PARD3B: variants seen among roughly 807,000 people sequenced by gnomAD.
PARD3B encodes par-3 family cell polarity regulator beta, also known as partitioning defective 3 homolog B.
A neutral mutation model predicts 130.2 loss-of-function variants in PARD3B; 103 were observed. That is an observed-to-expected ratio of 0.79 (90% CI 0.67 to 0.93). PARD3B has a LOEUF of 0.93. Ranked by LOEUF, PARD3B falls within the 40% of genes least tolerant of loss-of-function variation. PARD3B has a pLI of 0.00. For missense variants in PARD3B, 1,609 were observed against 1,499.2 expected (o/e 1.07, Z -1.21); for synonymous variants, 583 against 553.2 (o/e 1.05, Z -0.76).
intron 15 of PARD3B, among the ~76,000 whole-genome samples, chr2:205,234,084 C>G (rs961548828): frequency 6.6e-6 from 1 of 152,076 alleles, no homozygotes; most frequent in African/African-American, 2.4e-5. Context: ...ATGGTATGTT[C>G]AAGATCAACC....
chr2:204,545,934 T>A lies in PARD3B; in HGVS notation c.-66T>A. The A allele has an allele frequency of 7.1e-7, 1 of 1,414,802 alleles. No individual in the cohort carries two copies. The highest frequency in any genetic ancestry group is 1.6e-5 in the South Asian group (1 of 64,446). The allele number at this position is 1,414,802 out of a possible 1,614,324, so 87.6% of individuals were successfully genotyped here. A position where few individuals can be genotyped will look rare whatever the true frequency, so the allele number is the denominator to read the frequency against. ...ACCCGCCCCGGGCGTCCTCCGAGAG[T>A]GGGGGCTGCGCCCGCGGGGTCAGAC... On this transcript the variant is annotated 5_prime_UTR_variant, in exon 1 of 23. Transcript: ENST00000406610.
rs1365919694 is a variant in PARD3B, at chr2:205,321,845, C to T, written c.2630+20144C>T. Among the ~76,000 whole-genome samples the T allele has an allele frequency of 6.6e-6, 1 of 152,184 alleles. No individual in the cohort carries two copies. The highest frequency in any genetic ancestry group is 2.4e-5 in the African/African-American group (1 of 41,444). On this transcript the variant is annotated intron_variant, in intron 18 of 22. Transcript: ENST00000406610. This position sits in a 1 kb window ranked among gnomAD's most constrained non-coding sequence, Gnocchi z 4.2. The stretch of plus-strand genomic sequence containing the variant: ...TACAGATTTCCAAGAGCGAGGTGTA[C>T]TTCTTTGACAATTAATGAAACTTCA...
chr2:205,278,126 G>T (rs958258688), intron 16 of PARD3B, among the ~76,000 whole-genome samples: 1 of 152,144 alleles, frequency 6.6e-6, no homozygotes. Context: ...AGGACTGAAA[G>T]AAGTTTATTG....
rs569291637 is a variant in PARD3B, at chr2:204,726,497, T to G, written c.222+40215T>G. 5.1e-4 allele frequency among the ~76,000 whole-genome samples: 77 copies of G among 152,278 alleles called. No homozygotes were observed. The Middle Eastern group carries it at 0.014, about 27-fold the overall frequency. On this transcript the variant is annotated intron_variant, in intron 2 of 22. Transcript: ENST00000406610. ...ACCCTTTGGCTGCCTCCCTCAATGT[T>G]GGCGTCAAGGGTGATTCTGAAACCT...
At position 205,334,986 on chromosome 2, in the gene PARD3B, T is replaced by G. The variant is rs142962604; in HGVS notation, c.2630+33285T>G. Among the ~76,000 whole-genome samples the G allele has an allele frequency of 6.1e-3, 936 of 152,318 alleles. 3 individuals carry two copies. The highest frequency in any genetic ancestry group is 9.7e-3 in the Non-Finnish European group (661 of 68,034). On this transcript the variant is annotated intron_variant, in intron 18 of 22. Transcript: ENST00000406610. ...GATCAAAAAGGAAATCATTTTATCT[T>G]GAAGTTGTAAGAGAAGCATTTATTT...
At chr2:204,899,419 C>A (rs2046778142) in intron 2 of PARD3B, among the ~76,000 whole-genome samples, 1 of 152,048 alleles carries the variant, frequency 6.6e-6, no homozygotes, top group Admixed American at 6.6e-5. Flanking sequence ...ATGAGGCTTG[C>A]AAATAATCTC....
At position 204,610,297 on chromosome 2, in the gene PARD3B, T is replaced by C. The variant is rs1157623536; in HGVS notation, c.120+64178T>C. 6.6e-6 allele frequency among the ~76,000 whole-genome samples: 1 copy of C among 152,186 alleles called. No individual in the cohort carries two copies. Among genetic ancestry groups the C allele is most frequent in the Non-Finnish European group, 1.5e-5 (1 of 68,034 alleles). On this transcript the variant is annotated intron_variant, in intron 1 of 22. Coordinates refer to ENST00000406610, the MANE Select transcript of PARD3B (RefSeq NM_001302769.2). This position sits in a 1 kb window ranked among gnomAD's most constrained non-coding sequence, Gnocchi z 4.1. ...CAATTATTAAATCTGTTCTTCTTAA[T>C]GTAATATGGCAAATATTTACAATGA... is the stretch of plus-strand genomic sequence containing the variant.
chr2:205,487,941 C>G (rs897096826), intron 20 of PARD3B, among the ~76,000 whole-genome samples: 1 of 152,330 alleles, frequency 6.6e-6, no homozygotes. Flanking sequence ...ATCTAAACAA[C>G]ATTTTATTTC....
chr2:204,859,006 T>C (rs1321298095), intron 2 of PARD3B, among the ~76,000 whole-genome samples: 1 of 151,838 alleles, frequency 6.6e-6, no homozygotes, highest in Non-Finnish European at 1.5e-5. Flanking sequence ...TAAAAGTTTT[T>C]AAGAACTTTA....
chr2:205,242,203 C>A (rs1457273128), intron 15 of PARD3B, among the ~76,000 whole-genome samples: 1 of 149,394 alleles, frequency 6.7e-6, no homozygotes, highest in Non-Finnish European at 1.5e-5. Context: ...ATTTTTATGC[C>A]TATCACCCAT....
rs2125036077 is a variant in PARD3B at position 204,545,924 on chromosome 2, C to T, written c.-76C>T. On this transcript the variant is annotated 5_prime_UTR_variant, in exon 1 of 23. Transcript: ENST00000406610. ...CTCTGGGCCCACCCGCCCCGGGCGT[C>T]CTCCGAGAGTGGGGGCTGCGCCCGC... is the stretch of plus-strand genomic sequence containing the variant. The T allele has an allele frequency of 3.5e-6, 5 of 1,428,046 alleles. No individual in the cohort carries two copies. Among genetic ancestry groups the T allele is most frequent in the Non-Finnish European group, 4.6e-6 (5 of 1,092,522 alleles). 88.5% of individuals were successfully genotyped at this position (1,428,046 alleles called of 1,614,324 possible). A position where few individuals can be genotyped will look rare whatever the true frequency, so the allele number is the denominator to read the frequency against.
At chr2:205,083,051 C>T (rs1701518712) in intron 4 of PARD3B, among the ~76,000 whole-genome samples, 1 of 151,502 alleles carries the variant, frequency 6.6e-6, no homozygotes, top group East Asian at 2.0e-4. Context: ...TCCCAAGTTG[C>T]TGGGCTTACA....
chr2:204,886,149 C>T (rs1345196581), intron 2 of PARD3B, among the ~76,000 whole-genome samples: 1 of 152,204 alleles, frequency 6.6e-6, no homozygotes, highest in East Asian at 1.9e-4. Flanking sequence ...GCTGAGTCAA[C>T]TATCAAAGAA....
intron 3 of PARD3B, among the ~76,000 whole-genome samples, chr2:205,045,801 A>C (rs904861690): frequency 3.9e-5 from 6 of 152,022 alleles, no homozygotes; most frequent in Non-Finnish European, 8.8e-5. Context: ...ATATATATAC[A>C]TATACATATA....
chr2:205,496,451 G>A (rs1053674972), intron 20 of PARD3B, among the ~76,000 whole-genome samples: 1 of 152,154 alleles, frequency 6.6e-6, no homozygotes, highest in Non-Finnish European at 1.5e-5. Context: ...CAAAAGGTTT[G>A]CACAGTGTTC....
chr2:204,664,526 G>A lies in PARD3B; in HGVS notation c.121-21655G>A, dbSNP rs1215983358. Among the ~76,000 whole-genome samples the A allele has an allele frequency of 2.0e-5, 3 of 151,988 alleles. No individual in the cohort carries two copies. Among genetic ancestry groups the A allele is most frequent in the Non-Finnish European group, 4.4e-5 (3 of 67,996 alleles). On this transcript the variant is annotated intron_variant, in intron 1 of 22. Transcript: ENST00000406610. This position sits in a 1 kb window ranked among gnomAD's most constrained non-coding sequence, Gnocchi z 5.2. ...GAATGCTGATTTTTTTTTCCAGTTT[G>A]ACATGATAGTAAGTGACATTGCATT... is the stretch of plus-strand genomic sequence containing the variant.
chr2:205,490,232 T>G (rs2049641339), intron 20 of PARD3B, among the ~76,000 whole-genome samples: 1 of 152,122 alleles, frequency 6.6e-6, no homozygotes, highest in Non-Finnish European at 1.5e-5. Context: ...CATTTAACAT[T>G]AGGTGTATCT....
chr2:205,021,650 C>CTCTATA lies in PARD3B; in HGVS notation c.395-25930_395-25929insCTATAT. ...TCTCTTTCTCTCTCTCTCTCTCTCT[C>CTCTATA]TATATATATATATATAGTTAATCTT... On this transcript the variant is annotated intron_variant, in intron 3 of 22. Transcript: ENST00000406610. This position sits in a 1 kb window ranked among gnomAD's most constrained non-coding sequence, Gnocchi z 4.5. Among the ~76,000 whole-genome samples the CTCTATA allele has an allele frequency of 1.0e-5, 1 of 98,312 alleles. No homozygotes were observed. Among genetic ancestry groups the CTCTATA allele is most frequent in the South Asian group, 2.9e-4 (1 of 3,454 alleles). 64.5% of individuals were successfully genotyped at this position (98,312 alleles called of 152,430 possible).
In PARD3B at chr2:204,895,370, T is replaced by C. The variant is rs184239812; in HGVS notation, c.223-69782T>C. On this transcript the variant is annotated intron_variant, in intron 2 of 22. Transcript: ENST00000406610. ...TTATAACCATGAAATATCTATAACT[T>C]TGCATTACCTAGCCCTTTAAAACTC... Among the ~76,000 whole-genome samples, 9 of 152,210 alleles carry C rather than the reference T, an allele frequency of 5.9e-5. No homozygotes were observed. The East Asian group carries it at 1.5e-3, about 26-fold the overall frequency.
Sources: gnomAD v4.1 joint callset for allele counts (sites outside exome capture counted in the v4.1 genomes callset) on GRCh38, gnomAD v4.1.1 for gene constraint, Gnocchi (gnomAD v3.1) non-coding constraint, MANE v1.5 for transcripts, NCBI Gene and HGNC (gene_info 2026-07-23, HGNC 2026-07-21) for gene names.